USP32: variants seen among roughly 807,000 people sequenced by gnomAD.
USP32 encodes ubiquitin carboxyl-terminal hydrolase 32.
In USP32, 59 loss-of-function variants were observed where a neutral mutation model predicts 204.8. That is an observed-to-expected ratio of 0.29 (90% CI 0.23 to 0.36). USP32 has a LOEUF of 0.36. Ranked by LOEUF, USP32 falls within the 10% of genes least tolerant of loss-of-function variation. USP32 has a pLI of 1.00. For synonymous variants in USP32, 517 were observed against 678.4 expected, an observed-to-expected ratio of 0.76 and a Z score of 3.70; for missense variants, 1,160 against 1,946.4, an observed-to-expected ratio of 0.60 and a Z score of 7.60.
intron 2 of USP32, among the ~76,000 whole-genome samples, chr17:60,306,933 A>T (rs771210696): frequency 1.3e-5 from 2 of 152,168 alleles, no homozygotes; most frequent in Non-Finnish European, 2.9e-5. Flanking sequence ...CCAAGTTAAA[A>T]TAGCTACAAA....
chr17:60,366,593 G>C (rs2089318781), intron 1 of USP32, among the ~76,000 whole-genome samples: 1 of 151,918 alleles, frequency 6.6e-6, no homozygotes, highest in Non-Finnish European at 1.5e-5. Context: ...AATAGTTCTT[G>C]GACTATGACA....
chr17:60,294,363 CT>C (rs1252939098), intron 4 of USP32, among the ~76,000 whole-genome samples: 4 of 144,850 alleles, frequency 2.8e-5, no homozygotes, highest in Non-Finnish European at 6.0e-5. Flanking sequence ...AACATGAGCA[CT>C]GTTTCAGGTT....
intron 1 of USP32, among the ~76,000 whole-genome samples, chr17:60,414,589 C>T (rs996767629): frequency 2.0e-5 from 3 of 150,730 alleles, no homozygotes; most frequent in Admixed American, 6.6e-5. Flanking sequence ...CCACCAGGCC[C>T]GGCTAATTTT....
chr17:60,347,412 G>A (rs2088812527), intron 1 of USP32, among the ~76,000 whole-genome samples: 1 of 151,238 alleles, frequency 6.6e-6, no homozygotes, highest in Non-Finnish European at 1.5e-5. Flanking sequence ...GGAGTGCAGT[G>A]GCACGATTTC....
At chr17:60,369,613 T>C (rs1021959979) in intron 1 of USP32, among the ~76,000 whole-genome samples, 1 of 152,080 alleles carries the variant, frequency 6.6e-6, no homozygotes, top group South Asian at 2.1e-4. Flanking sequence ...ATCTGACATA[T>C]ACAAAATTTT....
At chr17:60,338,113 C>T (rs2088567594) in intron 2 of USP32, among the ~76,000 whole-genome samples, 1 of 151,860 alleles carries the variant, frequency 6.6e-6, no homozygotes, top group Non-Finnish European at 1.5e-5. Flanking sequence ...AGCTTGAGCC[C>T]AAAAGATCAA....
At chr17:60,404,464 A>T (rs995865535) in intron 1 of USP32, among the ~76,000 whole-genome samples, 1 of 152,132 alleles carries the variant, frequency 6.6e-6, no homozygotes, top group Non-Finnish European at 1.5e-5. Flanking sequence ...TTTATACCAA[A>T]CCTTTAGTTC....
chr17:60,309,727 G>T (rs888346434), intron 2 of USP32, among the ~76,000 whole-genome samples: 1 of 152,076 alleles, frequency 6.6e-6, no homozygotes, highest in African/African-American at 2.4e-5. Flanking sequence ...ATACTATAAT[G>T]AGTTAAAATC....
intron 1 of USP32, among the ~76,000 whole-genome samples, chr17:60,384,129 T>C (rs2089690221): frequency 6.6e-6 from 1 of 152,212 alleles, no homozygotes; most frequent in African/African-American, 2.4e-5. Flanking sequence ...ACTGAGGATA[T>C]GTCTAGATTT....
rs991107471 is a variant in USP32, at chr17:60,421,596, G to A, written c.106+650C>T. Reference sequence around the variant, plus strand: ...GGTGGCTCGAGTGAGGAAACTGCGGGGGCAACGGTCTCTCGTCGCCGGGAC... The same window carrying A: ...GGTGGCTCGAGTGAGGAAACTGCGGAGGCAACGGTCTCTCGTCGCCGGGAC... On this transcript the variant is annotated intron_variant, in intron 1 of 3. Transcript: ENST00000588898. 6 of 983,736 alleles carry A rather than the reference G, an allele frequency of 6.1e-6. No individual in the cohort carries two copies. The African/African-American group carries it at 1.0e-4, about 17-fold the overall frequency. The allele number at this position is 983,736 out of a possible 1,614,324, so 60.9% of individuals were successfully genotyped here. A position where few individuals can be genotyped will look rare whatever the true frequency, so the allele number is the denominator to read the frequency against.
chr17:60,305,156 A>AT, intron 2 of USP32: 1 of 151,902 alleles, frequency 6.6e-6, no homozygotes, highest in East Asian at 1.9e-4. Flanking sequence ...AGGCTGGGTA[A>AT]TTTTTATAAA....
chr17:60,195,247 A>G (rs745481892), intron 27 of USP32, among the ~76,000 whole-genome samples: 4 of 152,268 alleles, frequency 2.6e-5, no homozygotes, highest in Non-Finnish European at 5.9e-5. Context: ...AGTCCTCTGT[A>G]GCATTTGAAA....
At chr17:60,337,426 G>T (rs1344738829) in intron 2 of USP32, among the ~76,000 whole-genome samples, 1 of 152,046 alleles carries the variant, frequency 6.6e-6, no homozygotes, top group African/African-American at 2.4e-5. Context: ...CTCGTCTCTT[G>T]GTTATTGTTT....
At chr17:60,375,851 G>A (rs1258051073) in intron 1 of USP32, among the ~76,000 whole-genome samples, 13 of 152,100 alleles carry the variant, frequency 8.5e-5, no homozygotes, top group Admixed American at 2.0e-4. Context: ...CAGGTGATCT[G>A]CCTGTCTCAG....
chr17:60,344,400 T>C (rs1285837136), intron 2 of USP32, among the ~76,000 whole-genome samples: 1 of 152,136 alleles, frequency 6.6e-6, no homozygotes, highest in African/African-American at 2.4e-5. Flanking sequence ...AGTGCGGGGA[T>C]TACAGGTGTG....
Position 60,236,512 on chromosome 17 carries a change from CAATT to C in USP32, c.1137-276_1137-273del, listed in dbSNP as rs112201486. On this transcript the variant is annotated intron_variant, in intron 11 of 33. Transcript: ENST00000300896. ...AAATTAGAAAAACAACTGGTGTTTC[CAATT>C]AATTAATTAATTACATTTTTTGCAG... Among the ~76,000 whole-genome samples, 20 of 151,648 alleles carry C rather than the reference CAATT, an allele frequency of 1.3e-4. No homozygotes were observed. In the South Asian group the frequency reaches 2.7e-3, roughly 21 times the overall value.
chr17:60,271,465 G>A lies in USP32; in HGVS notation c.588C>T (p.Ile196=). 6.2e-7 allele frequency: 1 copy of A among 1,613,924 alleles called. No individual in the cohort carries two copies. Among genetic ancestry groups the A allele is most frequent in the Non-Finnish European group, 8.5e-7 (1 of 1,179,904 alleles). ...ACCAATAGCGTTTCTCAAGATCAAT[G>A]ATGTCTGATTCCTCCACTAAGGGTC... ...AGVTHLEESD[I]IDLEKRYWLL... is the part of the protein sequence containing the mutation. Residue 196 remains isoleucine, a synonymous_variant, in exon 6 of 34, where the codon ATC becomes ATT. Transcript: ENST00000300896.
chr17:60,223,661 A>G (rs2085313053), intron 13 of USP32, 75 bp from the exon 14 acceptor site: 1 of 1,251,266 alleles, frequency 8.0e-7, no homozygotes, highest in Non-Finnish European at 1.1e-6. Flanking sequence ...TATGAACTCA[A>G]TGCCCATGTA....
intron 12 of USP32, among the ~76,000 whole-genome samples, chr17:60,234,588 G>T (rs2085668233): frequency 1.3e-5 from 2 of 151,700 alleles, no homozygotes; most frequent in African/African-American, 4.8e-5. Context: ...AAATTAGCCG[G>T]GCGTGGTGGC....
Sources: allele counts gnomAD v4.1 joint callset (sites outside exome capture counted in the v4.1 genomes callset), GRCh38; gene constraint gnomAD v4.1.1; transcripts MANE v1.5; gene names NCBI Gene and HGNC (gene_info 2026-07-23, HGNC 2026-07-21).